The following PTK7 variants were observed in gnomAD, a reference collection of about 807,000 sequenced individuals.
PTK7 encodes protein tyrosine kinase 7 (inactive).
A neutral mutation model predicts 116.6 loss-of-function variants in PTK7; 39 were observed. The ratio of observed to expected loss-of-function variants is 0.33; its 90% confidence interval spans 0.26 to 0.44. PTK7 has a LOEUF of 0.44. PTK7 is among the 20% of genes least tolerant of loss of function. The pLI is 1.00. For missense variants in PTK7, 1,169 were observed against 1,425.6 expected (o/e 0.82, Z 2.90); for synonymous variants, 546 against 563.6 (o/e 0.97, Z 0.44).
intron 6 of PTK7, 90 bp downstream of exon 6, chr6:43,132,254 G>T: frequency 3.3e-6 from 5 of 1,516,054 alleles, no homozygotes; most frequent in Admixed American, 2.1e-5. Flanking sequence ...TTACTCAGCC[G>T]CTTGGAGGGC....
intron 1 of PTK7, among the ~76,000 whole-genome samples, chr6:43,117,813 G>A (rs1768647460): frequency 2.0e-5 from 3 of 152,092 alleles, no homozygotes; most frequent in African/African-American, 7.2e-5. Flanking sequence ...ACGGGTGCCT[G>A]TAATCCTAGC....
At chr6:43,112,928 A>T (rs1240749077) in intron 1 of PTK7, among the ~76,000 whole-genome samples, 4 of 152,132 alleles carry the variant, frequency 2.6e-5, no homozygotes, top group Non-Finnish European at 4.4e-5. Context: ...TCCTGGGCCT[A>T]TGTGATCCTC....
intron 1 of PTK7, among the ~76,000 whole-genome samples, chr6:43,116,958 G>A (rs1024357859): frequency 2.6e-5 from 4 of 151,972 alleles, no homozygotes. Flanking sequence ...CGAGTAGCTG[G>A]GATTATAGGT....
At chr6:43,106,650 C>CTTTTTTTTTTT (rs11312929) in intron 1 of PTK7, among the ~76,000 whole-genome samples, 1 of 98,586 alleles carries the variant, frequency 1.0e-5, no homozygotes, top group Non-Finnish European at 1.9e-5. Context: ...TCCTCCCTGC[C>CTTTTTTTTTTT]TTTTTTTTTT....
At position 43,085,953 on chromosome 6, in the gene PTK7, A is replaced by AAT. The variant is rs1554146538; in HGVS notation, c.79+9387_79+9388insTA. ...TGTCTCAAAAAAAAAAAAAAAAAAA[A>AAT]ACATGGCTTCCTCATTCAAAAGCAC... On this transcript the variant is annotated intron_variant, in intron 1 of 19. Coordinates refer to ENST00000230419, the MANE Select transcript of PTK7 (RefSeq NM_002821.5). Among the ~76,000 whole-genome samples, 669 of 147,900 alleles carry AAT rather than the reference A, an allele frequency of 4.5e-3. 12 individuals are homozygous for AAT. The highest frequency in any genetic ancestry group is 0.011 in the African/African-American group (445 of 39,580).
intron 1 of PTK7, among the ~76,000 whole-genome samples, chr6:43,094,102 C>T (rs886275932): frequency 1.3e-4 from 20 of 152,346 alleles, no homozygotes; most frequent in Admixed American, 3.3e-4. Context: ...CAAACGAAGA[C>T]AGGATTCGCA....
rs1769557021 is a variant in PTK7, at chr6:43,129,980, T to C, written c.470+151T>C. 1 of 900,226 alleles carries C rather than the reference T, an allele frequency of 1.1e-6. No homozygotes were observed. The highest frequency in any genetic ancestry group is 1.7e-6 in the Non-Finnish European group (1 of 581,868). The allele number at this position is 900,226 out of a possible 1,614,324, so 55.8% of individuals were successfully genotyped here. On this transcript the variant is annotated intron_variant, in intron 3 of 19. Transcript: ENST00000230419. The surrounding 1 kb of genome is among the most constrained non-coding windows in gnomAD (Gnocchi z 4.5). ...TCTTCACCCTGCCCTCCCCCAGATA[T>C]TGCCCTATGCCGGCCCCTGGTGGCC... is the stretch of plus-strand genomic sequence containing the variant.
Position 43,138,841 on chromosome 6 carries a change from C to CG in PTK7, c.1229-8_1229-7insG. On this transcript the variant is annotated splice_region_variant and splice_polypyrimidine_tract_variant and intron_variant, in intron 7 of 19. Coordinates refer to ENST00000230419, the MANE Select transcript of PTK7 (RefSeq NM_002821.5). ...GCAGCCTTCACTGTTTCCTTCCTGTCTGTCTAGCTGTGCCCTCCTGGCTGA... is the reference window on the plus strand; with the variant it reads ...GCAGCCTTCACTGTTTCCTTCCTGTCGTGTCTAGCTGTGCCCTCCTGGCTGA... 6.2e-7 allele frequency: 1 copy of CG among 1,600,832 alleles called. No homozygotes were observed. The highest frequency in any genetic ancestry group is 1.7e-4 in the Middle Eastern group (1 of 5,976).
intron 1 of PTK7, among the ~76,000 whole-genome samples, chr6:43,102,350 G>A (rs1449253452): frequency 4.6e-5 from 7 of 152,096 alleles, no homozygotes; most frequent in African/African-American, 1.4e-4. Context: ...GCTTGAACCC[G>A]GGAGATGGAG....
chr6:43,080,314 T>A (rs1766307312), intron 1 of PTK7, among the ~76,000 whole-genome samples: 3 of 152,056 alleles, frequency 2.0e-5, no homozygotes, highest in Non-Finnish European at 4.4e-5. Flanking sequence ...ATTGCACCAC[T>A]GCACTCCAGC....
At chr6:43,098,692 A>G (rs1031182603) in intron 1 of PTK7, among the ~76,000 whole-genome samples, 3 of 152,232 alleles carry the variant, frequency 2.0e-5, no homozygotes, top group Non-Finnish European at 4.4e-5. Flanking sequence ...ACGGTATGCT[A>G]CTAGAATTGA....
chr6:43,108,181 G>A (rs1297740882), intron 1 of PTK7, among the ~76,000 whole-genome samples: 2 of 141,482 alleles, frequency 1.4e-5, no homozygotes, highest in Non-Finnish European at 3.0e-5. Context: ...TGCAACCTCC[G>A]CCTCCCAGGT....
intron 1 of PTK7, among the ~76,000 whole-genome samples, chr6:43,113,873 C>G (rs1768335354): frequency 6.6e-6 from 1 of 152,160 alleles, no homozygotes; most frequent in Admixed American, 6.6e-5. Context: ...TGAGGGCTCT[C>G]CATTATAAAT....
chr6:43,078,344 G>T (rs548158556), intron 1 of PTK7, among the ~76,000 whole-genome samples: 3 of 152,026 alleles, frequency 2.0e-5, no homozygotes, highest in African/African-American at 7.3e-5. Flanking sequence ...TCTCCTCAGG[G>T]GTGGGGGGAT....
intron 1 of PTK7, among the ~76,000 whole-genome samples, chr6:43,106,651 T>C (rs1243378306): frequency 5.6e-5 from 3 of 53,320 alleles, no homozygotes; most frequent in Admixed American, 5.0e-4. Context: ...CCTCCCTGCC[T>C]TTTTTTTTTT....
chr6:43,127,505 C>T (rs1769363902), intron 1 of PTK7, among the ~76,000 whole-genome samples: 1 of 152,214 alleles, frequency 6.6e-6, no homozygotes, highest in African/African-American at 2.4e-5. Flanking sequence ...GTTGCGGGGA[C>T]CCTGTGGCCA....
rs143529871 is a variant in PTK7, at chr6:43,133,756, C to T, written c.1228+1069C>T. 3.9e-5 allele frequency: 6 copies of T among 152,304 alleles called. No homozygotes were observed. In the East Asian group the frequency reaches 1.2e-3, roughly 29 times the overall value. The allele number at this position is 152,304 out of a possible 1,614,324, so 9.4% of individuals were successfully genotyped here. ...AAACTATTTTGCAATCTGCTTCTTC[C>T]ACTTACCTTTATGTTACTATTATCT... On this transcript the variant is annotated intron_variant, in intron 7 of 19. Coordinates refer to ENST00000230419, the MANE Select transcript of PTK7 (RefSeq NM_002821.5).
At position 43,076,694 on chromosome 6, in the gene PTK7, G is replaced by C. The variant is rs1766032595; in HGVS notation, c.79+127G>C. On this transcript the variant is annotated intron_variant, in intron 1 of 19. Transcript: ENST00000230419. The surrounding 1 kb of genome is among the most constrained non-coding windows in gnomAD (Gnocchi z 5.7). ...CTGGAGTAGTGGAGAGGCTCGCTGG[G>C]GGTGCAGGCTTGCGGCGGAAGGGCG... The C allele has an allele frequency of 7.2e-7, 1 of 1,390,548 alleles. No individual in the cohort carries two copies. The highest frequency in any genetic ancestry group is 2.8e-5 in the East Asian group (1 of 36,256). The allele number at this position is 1,390,548 out of a possible 1,614,324, so 86.1% of individuals were successfully genotyped here.
intron 1 of PTK7, among the ~76,000 whole-genome samples, chr6:43,098,343 T>A (rs1767369337): frequency 6.6e-6 from 1 of 151,792 alleles, no homozygotes; most frequent in Admixed American, 6.6e-5. Flanking sequence ...GGAATGCTGC[T>A]GGAAAAAAGA....
Sources: gnomAD v4.1 joint callset for allele counts (sites outside exome capture counted in the v4.1 genomes callset) on GRCh38, gnomAD v4.1.1 for gene constraint, Gnocchi (gnomAD v3.1) non-coding constraint, MANE v1.5 for transcripts, NCBI Gene and HGNC (gene_info 2026-07-23, HGNC 2026-07-21) for gene names.